Variants in FRMD5 observed in about 807,000 individuals in gnomAD.
FRMD5 encodes the protein FERM domain-containing protein 5.
In FRMD5, 20 loss-of-function variants were observed where a neutral mutation model predicts 69.0. The observed-to-expected ratio is 0.29, with a 90% CI of 0.20 to 0.42. The LOEUF (loss-of-function observed/expected upper bound fraction) is 0.42, where lower values mean the gene tolerates loss of function less well. Among genes scored for constraint, FRMD5 ranks in the 10% least tolerant of loss-of-function variants. The pLI, the probability that FRMD5 is intolerant of heterozygous loss-of-function variation, is 1.00. For missense variants in FRMD5, 595 were observed against 708.6 expected (o/e 0.84, Z 1.82); for synonymous variants, 271 against 260.1 (o/e 1.04, Z -0.40).
intron 1 of FRMD5, among the ~76,000 whole-genome samples, chr15:44,065,576 TAGAC>T (rs887745461): frequency 6.6e-5 from 10 of 152,136 alleles, no homozygotes; most frequent in Admixed American, 3.3e-4. Context: ...CAGGTTGACT[TAGAC>T]AGTTTAATAT....
intron 1 of FRMD5, among the ~76,000 whole-genome samples, chr15:44,097,632 C>G (rs1401704941): frequency 6.6e-6 from 1 of 152,200 alleles, no homozygotes; most frequent in Non-Finnish European, 1.5e-5. Context: ...TATACACACA[C>G]AGAACCGTCT....
intron 1 of FRMD5, among the ~76,000 whole-genome samples, chr15:44,087,757 TC>T (rs1390535482): frequency 1.1e-3 from 172 of 150,892 alleles, no homozygotes; most frequent in Non-Finnish European, 2.2e-3. Flanking sequence ...ATCATCATCA[TC>T]ATCATCATCA....
intron 1 of FRMD5, among the ~76,000 whole-genome samples, chr15:43,928,424 C>T (rs762134243): frequency 1.3e-5 from 2 of 152,190 alleles, no homozygotes; most frequent in Non-Finnish European, 2.9e-5. Context: ...CAGAGGGTTG[C>T]GACAAAGCCC....
chr15:43,993,182 A>G (rs1889764501), intron 1 of FRMD5, among the ~76,000 whole-genome samples: 2 of 152,174 alleles, frequency 1.3e-5, no homozygotes, highest in South Asian at 2.1e-4. Context: ...GTGCTCTAAC[A>G]TAATAGTTTT....
At chr15:43,962,089 C>G (rs935737258) in intron 1 of FRMD5, among the ~76,000 whole-genome samples, 21 of 152,090 alleles carry the variant, frequency 1.4e-4, no homozygotes, top group Non-Finnish European at 2.9e-4. Flanking sequence ...AAAGGGCATT[C>G]AATTAGGAAA....
rs752990175 is a variant in FRMD5 at position 43,919,774 on chromosome 15, T to C, written c.243A>G (p.Gln81=). The C allele has an allele frequency of 3.1e-6, 5 of 1,614,084 alleles. No individual in the cohort carries two copies. In the Admixed American group the frequency reaches 6.7e-5, roughly 22 times the overall value. Residue 81 remains glutamine, a synonymous_variant, in exon 3 of 14, where the codon CAA becomes CAG. Transcript: ENST00000417257. ...WLEFTKSVVK[Q]LRSQPPFTMC... is the part of the protein sequence containing the mutation. ...TTCATGGAGAATACTTACATCTCAA[T>C]TGTTTCACCACAGACTTTGTAAATT...
upstream of FRMD5, among the ~76,000 whole-genome samples, chr15:44,198,170 A>T (rs534059456): frequency 6.6e-6 from 1 of 151,466 alleles, no homozygotes; most frequent in Admixed American, 6.6e-5. Context: ...ATAATAATAC[A>T]AAGATTAGCT....
At chr15:44,178,914 C>G (rs1321366123) in intron 1 of FRMD5, among the ~76,000 whole-genome samples, 4 of 152,062 alleles carry the variant, frequency 2.6e-5, no homozygotes, top group African/African-American at 9.7e-5. Context: ...ATCGCTTGAA[C>G]CCAGAAGGCA....
rs145218038 is a variant in FRMD5, at chr15:44,084,756, T to C, written c.102+110197A>G. ...CACTTTAAATGGTATGTGTTGTATC[T>C]CAAATTTGTTTTTTAAAAAGAACTA... On this transcript the variant is annotated intron_variant, in intron 1 of 13. Transcript: ENST00000417257. Among the ~76,000 whole-genome samples the C allele has an allele frequency of 3.0e-3, 461 of 152,240 alleles. 1 individual carries two copies. The highest frequency in any genetic ancestry group is 0.017 in the Middle Eastern group (5 of 294).
chr15:44,115,206 A>C (rs1206933301), intron 1 of FRMD5, among the ~76,000 whole-genome samples: 1 of 152,162 alleles, frequency 6.6e-6, no homozygotes, highest in African/African-American at 2.4e-5. Flanking sequence ...AAATTATATA[A>C]ATACAACATA....
chr15:44,001,220 A>G (rs1238643992), intron 1 of FRMD5, among the ~76,000 whole-genome samples: 3 of 152,180 alleles, frequency 2.0e-5, no homozygotes, highest in Non-Finnish European at 4.4e-5. Context: ...AGAAATGTCT[A>G]TTCAGCTCCT....
At chr15:43,949,204 G>A (rs59351536) in intron 1 of FRMD5, among the ~76,000 whole-genome samples, 1 of 152,308 alleles carries the variant, frequency 6.6e-6, no homozygotes, top group East Asian at 1.9e-4. Flanking sequence ...GAAAGGCCCT[G>A]CAAAGCCCCT....
chr15:44,018,890 ATTTCT>A (rs978893585), intron 1 of FRMD5, among the ~76,000 whole-genome samples: 5 of 151,278 alleles, frequency 3.3e-5, no homozygotes, highest in Non-Finnish European at 5.9e-5. Context: ...GTGGGTATAC[ATTTCT>A]TTTCTTTTCT....
intron 1 of FRMD5, among the ~76,000 whole-genome samples, chr15:43,985,039 G>A (rs1299792627): frequency 6.6e-6 from 1 of 151,384 alleles, no homozygotes; most frequent in Non-Finnish European, 1.5e-5. Context: ...TCAGCACTTT[G>A]GGAGGCCAAG....
chr15:43,982,397 G>C (rs1053001815), intron 1 of FRMD5, among the ~76,000 whole-genome samples: 2 of 152,150 alleles, frequency 1.3e-5, no homozygotes. Flanking sequence ...TGTTGTCCAG[G>C]TCTTCTTTTT....
At chr15:44,122,442 T>G (rs1273211230) in intron 1 of FRMD5, among the ~76,000 whole-genome samples, 1 of 152,010 alleles carries the variant, frequency 6.6e-6, no homozygotes, top group African/African-American at 2.4e-5. Context: ...GGTGCATGCC[T>G]GTAGTCCCAG....
At chr15:43,880,039 G>T (rs780480863) in intron 13 of FRMD5, among the ~76,000 whole-genome samples, 1 of 152,168 alleles carries the variant, frequency 6.6e-6, no homozygotes, top group African/African-American at 2.4e-5. Flanking sequence ...GGGACAGAGG[G>T]GGCAGAGAAC....
chr15:43,947,516 A>G (rs2089965449), intron 1 of FRMD5, among the ~76,000 whole-genome samples: 1 of 152,224 alleles, frequency 6.6e-6, no homozygotes. Flanking sequence ...TTTCAAAATG[A>G]TGGTTTTTAT....
intron 1 of FRMD5, among the ~76,000 whole-genome samples, chr15:44,059,315 G>A (rs1200852755): frequency 1.3e-5 from 2 of 151,940 alleles, no homozygotes; most frequent in Admixed American, 6.6e-5. Context: ...CACATTTCAA[G>A]GCCAGGTGAA....
Sources: allele counts gnomAD v4.1 joint callset (sites outside exome capture counted in the v4.1 genomes callset), GRCh38; gene constraint gnomAD v4.1.1; transcripts MANE v1.5; gene names NCBI Gene and HGNC (gene_info 2026-07-23, HGNC 2026-07-21).